ZNF630: variants seen among roughly 807,000 people sequenced by gnomAD.
The protein encoded by ZNF630 is zinc finger protein 630, also known as dJ54B20.2 (novel KRAB box containing C2H2 type zinc finger protein).
In ZNF630, 5 loss-of-function variants were observed where a neutral mutation model predicts 7.2. The observed-to-expected ratio is 0.70, with a 90% CI of 0.36 to 1.46. The LOEUF is 1.46. ZNF630 is among the 40% of genes most tolerant of loss of function. The pLI, the probability that ZNF630 is intolerant of heterozygous loss-of-function variation, is 0.03. For synonymous variants in ZNF630, 158 were observed against 162.8 expected, an observed-to-expected ratio of 0.97 and a Z score of 0.23; for missense variants, 461 against 477.0, an observed-to-expected ratio of 0.97 and a Z score of 0.31.
chrX:48,060,814 C>A lies in ZNF630; in HGVS notation c.142+5G>T. The A allele has an allele frequency of 8.4e-7, 1 of 1,191,968 alleles. No homozygotes were observed. The highest frequency in any genetic ancestry group is 1.1e-6 in the Non-Finnish European group (1 of 883,335). ...TTCATTGGTACACAGGGAATCTGCC[C>A]TTACCCACGGAGACCAGGTGATTAT... On this transcript the variant is annotated splice_donor_5th_base_variant and intron_variant, in intron 3 of 4. Transcript: ENST00000276054.
chrX:48,065,497 G>GAGGGAGGA (rs2059126811), intron 2 of ZNF630, among the ~76,000 whole-genome samples: 3 of 103,385 alleles, frequency 2.9e-5, no homozygotes, highest in Non-Finnish European at 5.9e-5. Context: ...GGGAGGGAGG[G>GAGGGAGGA]AGGAAGGAAG....
chrX:48,066,630 C>T, intron 2 of ZNF630: 1 of 390,138 alleles, frequency 2.6e-6, no homozygotes, highest in Non-Finnish European at 4.5e-6. Context: ...GTGGAGAATG[C>T]AAATCACATT....
intron 2 of ZNF630, chrX:48,066,289 C>T (rs1359592596): frequency 9.9e-6 from 1 of 100,942 alleles, no homozygotes; most frequent in Non-Finnish European, 2.0e-5. Context: ...ATATTGTTTA[C>T]ATTCTTTGCC....
Position 48,058,953 on chromosome X carries a change from A to C in ZNF630, c.1489T>G (p.Ser497Ala), listed in dbSNP as rs2059084964. 1 of 1,208,250 alleles carries C rather than the reference A, an allele frequency of 8.3e-7. No individual in the cohort carries two copies. The highest frequency in any genetic ancestry group is 1.1e-6 in the Non-Finnish European group (1 of 893,168). ...TGTATGATAAGAGGTGATTTCTGAGAGAAGGATTTTCCACATTCAGTACAC... is the reference window on the plus strand; with the variant it reads ...TGTATGATAAGAGGTGATTTCTGAGCGAAGGATTTTCCACATTCAGTACAC... ...YMCTECGKSFSQKSPLIIHQR... is the reference protein window; with the variant it reads ...YMCTECGKSFAQKSPLIIHQR... Residue 497 changes from serine to alanine, a missense_variant, in exon 5 of 5, where the codon TCT (serine) becomes GCT (alanine). Coordinates refer to ENST00000276054, the MANE Select transcript of ZNF630 (RefSeq NM_001282201.2).
chrX:48,069,409 G>T (rs146661621), intron 1 of ZNF630, among the ~76,000 whole-genome samples: 5,403 of 110,617 alleles, frequency 0.049, 158 homozygotes, highest in African/African-American at 0.099. Context: ...ATTACAATGG[G>T]TTGTGACCCT....
chrX:48,058,585 T>G lies in ZNF630; in HGVS notation c.1857A>C (p.Arg619Ser), dbSNP rs370221034. 4.2e-5 allele frequency: 51 copies of G among 1,206,696 alleles called. No homozygotes were observed. The highest frequency in any genetic ancestry group is 5.7e-5 in the Non-Finnish European group (51 of 892,917). ...TGGAGGGTTTCTCCCCAGTGTGTCT[T>G]CTCTGATATGTAATCATCTGTGATT... ...FWKSQMITYQ[R>S]RHTGEKPSRC... is the part of the protein sequence containing the mutation. Residue 619 changes from arginine (R) to serine (S), a missense_variant, in exon 5 of 5, where the codon AGA (arginine) becomes AGC (serine). By Grantham distance (110) the Arg-to-Ser change is moderately radical. Coordinates refer to ENST00000276054, the MANE Select transcript of ZNF630 (RefSeq NM_001282201.2).
intron 2 of ZNF630, among the ~76,000 whole-genome samples, chrX:48,065,520 G>T (rs1318409892): frequency 9.3e-6 from 1 of 107,487 alleles, no homozygotes; most frequent in Non-Finnish European, 1.9e-5. Flanking sequence ...AGGAAGGCAG[G>T]CAGGCACTTG....
chrX:48,067,105 A>G, intron 1 of ZNF630, 44 bp from the exon 2 acceptor site: 1 of 402,193 alleles, frequency 2.5e-6, no homozygotes, highest in Non-Finnish European at 4.4e-6. Flanking sequence ...TAACCACAGA[A>G]ACCTTCAACA....
chrX:48,067,741 G>T (rs950463768), intron 1 of ZNF630, among the ~76,000 whole-genome samples: 7 of 110,769 alleles, frequency 6.3e-5, no homozygotes, highest in Non-Finnish European at 1.3e-4. Context: ...TTGAAGACCA[G>T]CCTGGGCAAC....
intron 2 of ZNF630, among the ~76,000 whole-genome samples, chrX:48,064,322 T>A (rs1556909698): frequency 2.7e-5 from 3 of 111,834 alleles, no homozygotes; most frequent in Admixed American, 9.5e-5. Context: ...TCTGGTATCC[T>A]GCAAACATTA....
chrX:48,059,699 T>G lies in ZNF630; in HGVS notation c.743A>C (p.Gln248Pro). 2 of 1,208,147 alleles carry G rather than the reference T, an allele frequency of 1.7e-6. No individual in the cohort carries two copies. The highest frequency in any genetic ancestry group is 2.2e-6 in the Non-Finnish European group (2 of 893,155). ...AAATTTCTTATACTGAACATGGGCT[T>G]GCTTATGACTGAGAACTTTTTCACA... ...SQCEKVLSHK[Q>P]AHVQYKKFQA... Residue 248 changes from glutamine (Q) to proline (P), a missense_variant, in exon 5 of 5, where the codon CAA becomes CCA. Gln to Pro is a moderately conservative substitution (Grantham distance 76). Coordinates refer to ENST00000276054, the MANE Select transcript of ZNF630 (RefSeq NM_001282201.2).
At chrX:48,063,118 T>C (rs996673711) in intron 2 of ZNF630, among the ~76,000 whole-genome samples, 3 of 109,878 alleles carry the variant, frequency 2.7e-5, no homozygotes, top group African/African-American at 1.0e-4. Flanking sequence ...CAAGCAGTTA[T>C]TGAGTACCTA....
rs185172809 is a variant in ZNF630 at position 48,063,074 on chromosome X, A to G, written c.16-2129T>C. ...TGATATGCCACAATATTTAAGATAC[A>G]CTGTTAAGTGAAAATAAACATTCAT... On this transcript the variant is annotated intron_variant, in intron 2 of 4. Coordinates refer to ENST00000276054, the MANE Select transcript of ZNF630 (RefSeq NM_001282201.2). 5.5e-5 allele frequency among the ~76,000 whole-genome samples: 6 copies of G among 110,029 alleles called. No homozygotes were observed. In the East Asian group the frequency reaches 1.7e-3, roughly 32 times the overall value.
intron 1 of ZNF630, among the ~76,000 whole-genome samples, chrX:48,067,830 G>A (rs2059137745): frequency 9.0e-6 from 1 of 110,986 alleles, no homozygotes; most frequent in Non-Finnish European, 1.9e-5. Flanking sequence ...GGGAGGCTGA[G>A]GCAGGCAGAT....
Position 48,059,341 on chromosome X carries a change from T to A in ZNF630, c.1101A>T (p.Arg367Ser). Residue 367 changes from arginine (R) to serine (S), a missense_variant, in exon 5 of 5, where the codon AGA becomes AGT. Physicochemically the swap from Arg to Ser is moderately radical, Grantham distance 110. Transcript: ENST00000276054. ...CAAAGGGCTTCTCTCTGGTATGAACTCTCTGATGTATAATTAGATGTGACT... is the reference window on the plus strand; with the variant it reads ...CAAAGGGCTTCTCTCTGGTATGAACACTCTGATGTATAATTAGATGTGACT... ...SQKSHLIIHQ[R>S]VHTREKPFEC... The A allele has an allele frequency of 8.3e-7, 1 of 1,208,466 alleles. No homozygotes were observed. Among genetic ancestry groups the A allele is most frequent in the Non-Finnish European group, 1.1e-6 (1 of 893,271 alleles).
chrX:48,064,044 A>G (rs781969870), intron 2 of ZNF630, among the ~76,000 whole-genome samples: 7 of 111,032 alleles, frequency 6.3e-5, no homozygotes, highest in Non-Finnish European at 9.4e-5. Context: ...TTGTGACTTC[A>G]CTGCTTGAGA....
rs150724251 is a variant in ZNF630, at chrX:48,059,755, A to G, written c.687T>C (p.His229=). The G allele has an allele frequency of 1.1e-3, 1,293 of 1,206,517 alleles. 29 individuals carry two copies. In the African/African-American group the frequency reaches 0.02, roughly 19 times the overall value. The part of the protein sequence containing the change: ...CSVPEKEGFI[H]TGMEPYGDSQ... ...TATCTCCATAGGGCTCCATTCCAGT[A>G]TGAATGAAGCCTTCCTTCTCAGGCA... The change falls in exon 5 of 5, where the codon CAT becomes CAC. Residue 229 remains histidine (H), a synonymous_variant. Transcript: ENST00000276054.
Position 48,059,921 on chromosome X carries a change from T to G in ZNF630, c.521A>C (p.Lys174Thr). The change falls in exon 5 of 5, where the codon AAA becomes ACA. Residue 174 changes from lysine (K) to threonine (T), a missense_variant. Physicochemically the swap from Lys to Thr is moderately conservative, Grantham distance 78. Coordinates refer to ENST00000276054, the MANE Select transcript of ZNF630 (RefSeq NM_001282201.2). ...RCTDLAPLSQ[K>T]FHKFDSCENS... ...TTCACATGAATCAAACTTATGGAATTTTTGACTTAAAGGAGCAAGGTCTGT... is the reference window on the plus strand; with the variant it reads ...TTCACATGAATCAAACTTATGGAATGTTTGACTTAAAGGAGCAAGGTCTGT... The G allele has an allele frequency of 8.3e-7, 1 of 1,208,125 alleles. No individual in the cohort carries two copies. The highest frequency in any genetic ancestry group is 1.8e-5 in the South Asian group (1 of 56,863).
rs1556908874 is a variant in ZNF630, at chrX:48,060,034, C to CAA, written c.406_407dup (p.Leu136PhefsTer2). On this transcript the variant is annotated frameshift_variant, in exon 5 of 5. Coordinates refer to ENST00000276054, the MANE Select transcript of ZNF630 (RefSeq NM_001282201.2). LOFTEE classifies it low-confidence loss of function (END_TRUNC). ...CACGACTGATGACTGTGACCTGCCT[C>CAA]AAAACTCTGTCTTGATTTCCTTGAT... 1.7e-6 allele frequency: 2 copies of CAA among 1,207,344 alleles called. No individual in the cohort carries two copies. Among genetic ancestry groups the CAA allele is most frequent in the Non-Finnish European group, 2.2e-6 (2 of 892,635 alleles).
Sources: gnomAD v4.1 joint callset for allele counts (sites outside exome capture counted in the v4.1 genomes callset) on GRCh38, gnomAD v4.1.1 for gene constraint, MANE v1.5 for transcripts, NCBI Gene and HGNC (gene_info 2026-07-23, HGNC 2026-07-21) for gene names.